Variants in OVOL1 observed in about 807,000 individuals in gnomAD.
OVOL1 encodes the protein putative transcription factor Ovo-like 1.
OVOL1 carries 10 observed loss-of-function variants against 21.5 expected under a neutral mutation model. The observed-to-expected ratio is 0.46, with a 90% CI of 0.29 to 0.79. The LOEUF (loss-of-function observed/expected upper bound fraction) is 0.79, where lower values mean the gene tolerates loss of function less well. OVOL1 is among the 30% of genes least tolerant of loss of function. The pLI is 0.10. For synonymous variants in OVOL1, 129 were observed against 150.3 expected (o/e 0.86, Z 1.03); for missense variants, 279 against 362.3 (o/e 0.77, Z 1.87).
intron 3 of OVOL1, 96 bp downstream of exon 3, chr11:65,794,823 G>A (rs548843913): frequency 2.6e-4 from 343 of 1,307,404 alleles, no homozygotes; most frequent in Middle Eastern, 5.6e-4. Context: ...CCTCGGTGAC[G>A]GGCAGCCTGG....
intron 1 of OVOL1, 30 bp downstream of exon 1, chr11:65,787,503 G>C (rs1248572704): frequency 7.3e-7 from 1 of 1,378,000 alleles, no homozygotes; most frequent in South Asian, 1.4e-5. Context: ...CCGGCCTGGG[G>C]CACCCGCGGC....
chr11:65,793,898 G>A (rs12797706), intron 1 of OVOL1, 133 bp from the exon 2 acceptor site: 174,500 of 687,718 alleles, frequency 0.25, 23,977 homozygotes, highest in Admixed American at 0.43. Flanking sequence ...GGGCAGCCCC[G>A]CTCTGCTGCA....
chr11:65,787,326 C>T lies in OVOL1; in HGVS notation c.-48C>T, dbSNP rs961216416. 6.8e-6 allele frequency: 10 copies of T among 1,480,380 alleles called. No homozygotes were observed. Among genetic ancestry groups the T allele is most frequent in the African/African-American group, 1.4e-5 (1 of 70,632 alleles). The allele number at this position is 1,480,380 out of a possible 1,614,324, so 91.7% of individuals were successfully genotyped here. On this transcript the variant is annotated 5_prime_UTR_variant, in exon 1 of 4. Coordinates refer to ENST00000335987, the MANE Select transcript of OVOL1 (RefSeq NM_004561.4). ...GGCCCCGCAAAGGTGGGACGGCTCC[C>T]GGCTTCAGTTACGGAAGCGGCCCGT...
chr11:65,787,853 G>A (rs1335129640), intron 1 of OVOL1, among the ~76,000 whole-genome samples: 1 of 152,332 alleles, frequency 6.6e-6, no homozygotes, highest in Non-Finnish European at 1.5e-5. Flanking sequence ...GCATGAGGCG[G>A]GAGAAGGCAC....
Position 65,794,278 on chromosome 11 carries a change from C to T in OVOL1, c.318+30C>T, listed in dbSNP as rs575321668. ...TGCCACTCGCGCTGTCTCCGAGGGC[C>T]GGGGGCGTGCATGTAGACCTGCGTC... On this transcript the variant is annotated intron_variant, in intron 2 of 3. Coordinates refer to ENST00000335987, the MANE Select transcript of OVOL1 (RefSeq NM_004561.4). 719 of 1,574,480 alleles carry T rather than the reference C, an allele frequency of 4.6e-4. 10 individuals are homozygous for T. In the South Asian group the frequency reaches 7.5e-3, roughly 16 times the overall value.
chr11:65,794,750 G>A lies in OVOL1; in HGVS notation c.508+23G>A, dbSNP rs561534907. 6.6e-5 allele frequency: 106 copies of A among 1,608,682 alleles called. 1 individual carries two copies. The South Asian group carries it at 9.9e-4, about 15-fold the overall frequency. ...CTGGTAAGTGGAAGCCCACGGCTGG[G>A]AGGAGCACGCCGGATCCGCCTGGCC... On this transcript the variant is annotated intron_variant, in intron 3 of 3. Coordinates refer to ENST00000335987, the MANE Select transcript of OVOL1 (RefSeq NM_004561.4).
At position 65,788,369 on chromosome 11, in the gene OVOL1, A is replaced by G. The variant is rs1443778300; in HGVS notation, c.100+896A>G. 5.3e-6 allele frequency: 4 copies of G among 753,608 alleles called. No homozygotes were observed. The Admixed American group carries it at 2.5e-4, about 47-fold the overall frequency. The allele number at this position is 753,608 out of a possible 1,614,324, so 46.7% of individuals were successfully genotyped here. A position where few individuals can be genotyped will look rare whatever the true frequency, so the allele number is the denominator to read the frequency against. On this transcript the variant is annotated intron_variant, in intron 1 of 3. Transcript: ENST00000335987. ...CCCCTTCTGTCCTCCCCCACCCCCA[A>G]CAAAGTCTTTGGTCTGGAGAAAGCC...
chr11:65,788,727 G>A, intron 1 of OVOL1: 1 of 985,442 alleles, frequency 1.0e-6, no homozygotes, highest in East Asian at 1.1e-4. Flanking sequence ...CTGATCTCAA[G>A]GGGACCCCTC....
chr11:65,789,963 A>G (rs1212293481), intron 1 of OVOL1: 1 of 152,130 alleles, frequency 6.6e-6, no homozygotes, highest in Non-Finnish European at 1.5e-5. Context: ...TTCCCCTGGG[A>G]AGAGGTGAAG....
At chr11:65,793,928 G>A (rs1474142971) in intron 1 of OVOL1, 103 bp from the exon 2 acceptor site, 15 of 843,920 alleles carry the variant, frequency 1.8e-5, no homozygotes, top group African/African-American at 3.4e-5. Context: ...TGGGAGGGAC[G>A]GAGTCTCCAG....
In OVOL1 at chr11:65,795,031, CT is replaced by C; in HGVS notation, c.509-14del. On this transcript the variant is annotated splice_polypyrimidine_tract_variant and intron_variant, in intron 3 of 3. Coordinates refer to ENST00000335987, the MANE Select transcript of OVOL1 (RefSeq NM_004561.4). This position sits in a 1 kb window ranked among gnomAD's most constrained non-coding sequence, Gnocchi z 5.7. ...CCTGCCAGGTCTCTGATGCTGGCCC[CT>C]GTCCTCCCCACAGGCGTGCGGCCCT... is the stretch of plus-strand genomic sequence containing the variant. The C allele has an allele frequency of 6.2e-7, 1 of 1,608,344 alleles. No individual in the cohort carries two copies. The highest frequency in any genetic ancestry group is 8.5e-7 in the Non-Finnish European group (1 of 1,177,734).
At chr11:65,794,464 C>A in intron 2 of OVOL1, 74 bp from the exon 3 acceptor site, 1 of 1,423,266 alleles carries the variant, frequency 7.0e-7, no homozygotes. Flanking sequence ...GGGCTGGCAT[C>A]CACGTCTTCC....
chr11:65,794,448 C>A, intron 2 of OVOL1, 90 bp from the exon 3 acceptor site: 1 of 1,314,952 alleles, frequency 7.6e-7, no homozygotes, highest in South Asian at 1.3e-5. Context: ...TCCTCAGGGA[C>A]ACTGGGGGCT....
intron 1 of OVOL1, chr11:65,792,581 C>T (rs1278989512): frequency 6.6e-6 from 1 of 152,314 alleles, no homozygotes; most frequent in Non-Finnish European, 1.5e-5. Context: ...GACACTCAGA[C>T]TCAGAGAAAG....
intron 1 of OVOL1, among the ~76,000 whole-genome samples, chr11:65,787,697 G>A (rs1857932005): frequency 6.6e-6 from 1 of 151,754 alleles, no homozygotes; most frequent in Admixed American, 6.6e-5. Flanking sequence ...GGGGCTGCAT[G>A]GTGGAAGGGG....
Position 65,787,242 on chromosome 11 carries a change from A to G in OVOL1, c.-132A>G. 1 of 660,656 alleles carries G rather than the reference A, an allele frequency of 1.5e-6. No individual in the cohort carries two copies. Among genetic ancestry groups the G allele is most frequent in the Non-Finnish European group, 2.6e-6 (1 of 381,318 alleles). The allele number at this position is 660,656 out of a possible 1,614,324, so 40.9% of individuals were successfully genotyped here. On this transcript the variant is annotated 5_prime_UTR_variant, in exon 1 of 4. Transcript: ENST00000335987. ...CGTCCGGGCTCGGACCTTCCCCGGA[A>G]CGTGGGGGCGCCTTAGCGACTCCTT... is the stretch of plus-strand genomic sequence containing the variant.
At position 65,794,093 on chromosome 11, in the gene OVOL1, C is replaced by A; in HGVS notation, c.163C>A (p.Pro55Thr). The A allele has an allele frequency of 6.2e-7, 1 of 1,614,038 alleles. No homozygotes were observed. Among genetic ancestry groups the A allele is most frequent in the Non-Finnish European group, 8.5e-7 (1 of 1,180,022 alleles). Residue 55 changes from proline (P) to threonine (T), a missense_variant, in exon 2 of 4, where the codon CCT becomes ACT. Transcript: ENST00000335987. ...REPEPSVAEP[P>T]SCPLALNMSL... Reference sequence around the variant, plus strand: ...GCCGGAACCCTCTGTGGCCGAACCCCCTTCCTGCCCGCTGGCTTTGAACAT... The same window carrying A: ...GCCGGAACCCTCTGTGGCCGAACCCACTTCCTGCCCGCTGGCTTTGAACAT...
At position 65,792,629 on chromosome 11, in the gene OVOL1, G is replaced by A. The variant is rs565315537; in HGVS notation, c.101-1402G>A. ...CCCAGAGGCCAGGCCGGGGCCAGGC[G>A]CTGGTGAATCAACCCTAGGAATGAG... On this transcript the variant is annotated intron_variant, in intron 1 of 3. Coordinates refer to ENST00000335987, the MANE Select transcript of OVOL1 (RefSeq NM_004561.4). Among the ~76,000 whole-genome samples the A allele has an allele frequency of 1.1e-4, 16 of 152,340 alleles. No individual in the cohort carries two copies. In the East Asian group the frequency reaches 2.9e-3, roughly 28 times the overall value.
chr11:65,789,086 G>A, intron 1 of OVOL1: 1 of 984,856 alleles, frequency 1.0e-6, no homozygotes, highest in South Asian at 4.7e-5. Flanking sequence ...GGCTCAGTGT[G>A]CTGTTATTTT....
Sources: allele counts gnomAD v4.1 joint callset (sites outside exome capture counted in the v4.1 genomes callset), GRCh38; gene constraint gnomAD v4.1.1; non-coding constraint Gnocchi (gnomAD v3.1); transcripts MANE v1.5; gene names NCBI Gene and HGNC (gene_info 2026-07-23, HGNC 2026-07-21).